NVL: variants seen among roughly 807,000 people sequenced by gnomAD.
NVL encodes the protein nuclear VCP like, also known as nuclear valosin-containing protein-like.
NVL carries 84 observed loss-of-function variants against 110.2 expected under a neutral mutation model. That is an observed-to-expected ratio of 0.76 (90% CI 0.64 to 0.91). The LOEUF (loss-of-function observed/expected upper bound fraction) is 0.91, where lower values mean the gene tolerates loss of function less well. Ranked by LOEUF, NVL falls within the 40% of genes least tolerant of loss-of-function variation. The pLI, the probability that NVL is intolerant of heterozygous loss-of-function variation, is 0.00. For synonymous variants in NVL, 354 were observed against 361.1 expected, an observed-to-expected ratio of 0.98 and a Z score of 0.22; for missense variants, 882 against 1,035.9, an observed-to-expected ratio of 0.85 and a Z score of 2.04.
intron 20 of NVL, among the ~76,000 whole-genome samples, chr1:224,235,979 T>C (rs903762911): frequency 4.6e-5 from 7 of 151,194 alleles, no homozygotes; most frequent in African/African-American, 1.7e-4. Context: ...GGAGGGGGCA[T>C]TGTCTCTGTT....
In NVL at chr1:224,317,720, C is replaced by G. The variant is rs755334742; in HGVS notation, c.258G>C (p.Arg86Ser). 1.2e-6 allele frequency: 2 copies of G among 1,606,610 alleles called. No homozygotes were observed. Among genetic ancestry groups the G allele is most frequent in the Non-Finnish European group, 1.7e-6 (2 of 1,173,696 alleles). Reference protein sequence around the residue: ...TELEDEHLAKRARQGEEDNEY... With the variant: ...TELEDEHLAKSARQGEEDNEY... ...CATTATCCTCTTCACCTTGTCTTGC[C>G]CTTTTTGCCAAATGTTCATCTTCTA... Residue 86 changes from arginine (R) to serine (S), a missense_variant, in exon 4 of 23, where the codon AGG becomes AGC. Physicochemically the swap from Arg to Ser is moderately radical, Grantham distance 110. Coordinates refer to ENST00000281701, the MANE Select transcript of NVL (RefSeq NM_002533.4).
At chr1:224,281,599 CCTTTTTGTGGTCTTAATTCTGTGT>C (rs1248147894) in intron 15 of NVL, among the ~76,000 whole-genome samples, 1 of 151,292 alleles carries the variant, frequency 6.6e-6, no homozygotes, top group African/African-American at 2.4e-5. Context: ...TGCGCCTAGC[CCTTTTTGTGGTCTTAATTCTGTGT>C]CTCCCTTTCT....
At chr1:224,263,558 A>G (rs1664187838) in intron 18 of NVL, among the ~76,000 whole-genome samples, 1 of 152,214 alleles carries the variant, frequency 6.6e-6, no homozygotes. Flanking sequence ...CAGTATAGGT[A>G]AAACAATCTA....
intron 19 of NVL, among the ~76,000 whole-genome samples, chr1:224,248,680 T>G (rs1662131108): frequency 6.6e-6 from 1 of 152,224 alleles, no homozygotes; most frequent in African/African-American, 2.4e-5. Context: ...AGAGAAAATT[T>G]GAAAGTGGCT....
chr1:224,259,152 A>C (rs1424484718), intron 18 of NVL, among the ~76,000 whole-genome samples: 1 of 151,768 alleles, frequency 6.6e-6, no homozygotes, highest in Non-Finnish European at 1.5e-5. Flanking sequence ...GTAGTGGCAC[A>C]ATCTCGGCTC....
chr1:224,285,378 T>C (rs2102613561), intron 15 of NVL, among the ~76,000 whole-genome samples: 1 of 152,272 alleles, frequency 6.6e-6, no homozygotes, highest in South Asian at 2.1e-4. Context: ...GAAGTTGCAG[T>C]GAGCCAAGAT....
intron 1 of NVL, 91 bp from the exon 2 acceptor site, chr1:224,326,555 C>CCTG: frequency 1.3e-6 from 1 of 761,354 alleles, no homozygotes; most frequent in South Asian, 1.8e-5. Flanking sequence ...ACACATTATA[C>CCTG]TTTAAGATAA....
Position 224,300,555 on chromosome 1 carries a change from G to T in NVL, c.1062+7C>A. The T allele has an allele frequency of 1.2e-6, 2 of 1,607,924 alleles. No homozygotes were observed. Among genetic ancestry groups the T allele is most frequent in the South Asian group, 2.2e-5 (2 of 90,688 alleles). The stretch of plus-strand genomic sequence containing the variant: ...GACCACCTGGCATTAGTCATTAACT[G>T]ACTCACCACAGCTTGCTCAAATAGT... On this transcript the variant is annotated splice_region_variant and intron_variant, in intron 10 of 22. Transcript: ENST00000281701.
At chr1:224,231,719 C>A (rs1484698380) in intron 21 of NVL, among the ~76,000 whole-genome samples, 3 of 152,054 alleles carry the variant, frequency 2.0e-5, no homozygotes, top group Non-Finnish European at 4.4e-5. Flanking sequence ...TAATATATCT[C>A]AGCACTGGTT....
At chr1:224,319,747 T>C (rs1327703651) in intron 2 of NVL, among the ~76,000 whole-genome samples, 1 of 152,146 alleles carries the variant, frequency 6.6e-6, no homozygotes, top group African/African-American at 2.4e-5. Flanking sequence ...TAGGTGAAAG[T>C]TTGATGAGTA....
At chr1:224,259,811 T>C (rs569063663) in intron 18 of NVL, among the ~76,000 whole-genome samples, 9 of 151,004 alleles carry the variant, frequency 6.0e-5, no homozygotes, top group Non-Finnish European at 1.0e-4. Flanking sequence ...TGTGCCACCA[T>C]ACCCAGCTAA....
Position 224,288,002 on chromosome 1 carries a change from G to A in NVL, c.1576-9C>T, listed in dbSNP as rs765283843. ...AGCCTTTGTAATTCATCCTTGAAGGGAACAATAGAGGGGAAAAAAATAAAG... is the reference window on the plus strand; with the variant it reads ...AGCCTTTGTAATTCATCCTTGAAGGAAACAATAGAGGGGAAAAAAATAAAG... On this transcript the variant is annotated splice_polypyrimidine_tract_variant and intron_variant, in intron 13 of 22. Coordinates refer to ENST00000281701, the MANE Select transcript of NVL (RefSeq NM_002533.4). The A allele has an allele frequency of 3.1e-6, 5 of 1,600,804 alleles. No homozygotes were observed. The Admixed American group carries it at 6.7e-5, about 21-fold the overall frequency.
chr1:224,252,450 C>T (rs1662609459), intron 18 of NVL, among the ~76,000 whole-genome samples: 1 of 152,114 alleles, frequency 6.6e-6, no homozygotes, highest in African/African-American at 2.4e-5. Context: ...CAGACACAGG[C>T]TATAATTAAT....
chr1:224,308,149 T>C lies in NVL; in HGVS notation c.457A>G (p.Ile153Val), dbSNP rs745472011. 9 of 1,614,122 alleles carry C rather than the reference T, an allele frequency of 5.6e-6. No individual in the cohort carries two copies. The highest frequency in any genetic ancestry group is 4.4e-5 in the South Asian group (4 of 91,070). The change falls in exon 6 of 23, where the codon ATA becomes GTA. Residue 153 changes from isoleucine to valine, a missense_variant. Ile to Val is a conservative substitution (Grantham distance 29). Coordinates refer to ENST00000281701, the MANE Select transcript of NVL (RefSeq NM_002533.4). ...QRETTSSTPR[I>V]SSKTGSIPLK... ...GGAATGGAGCCTGTTTTGGAACTTA[T>C]CCGTGGTGTTGAAGAGGTGGTTTCT...
At chr1:224,322,691 T>A (rs567656328) in intron 2 of NVL, among the ~76,000 whole-genome samples, 2 of 152,180 alleles carry the variant, frequency 1.3e-5, no homozygotes, top group South Asian at 4.1e-4. Context: ...TGGTGGCTCA[T>A]GCCTATAATC....
intron 15 of NVL, among the ~76,000 whole-genome samples, chr1:224,284,627 G>T (rs1026239809): frequency 6.6e-6 from 1 of 152,032 alleles, no homozygotes; most frequent in Non-Finnish European, 1.5e-5. Flanking sequence ...TGATCCACCC[G>T]CCTCGGCCTC....
rs1667187510 is a variant in NVL, at chr1:224,289,630, G to C, written c.1429C>G (p.Leu477Val). 1 of 1,614,242 alleles carries C rather than the reference G, an allele frequency of 6.2e-7. No individual in the cohort carries two copies. Among genetic ancestry groups the C allele is most frequent in the Non-Finnish European group, 8.5e-7 (1 of 1,180,058 alleles). The change falls in exon 13 of 23, where the codon CTG (leucine) becomes GTG (valine). Residue 477 changes from leucine (L) to valine (V), a missense_variant. Physicochemically the swap from Leu to Val is conservative, Grantham distance 32. Coordinates refer to ENST00000281701, the MANE Select transcript of NVL (RefSeq NM_002533.4). ...PGFVGADLMALCREAAMCAVN... is the reference protein window; with the variant it reads ...PGFVGADLMAVCREAAMCAVN... ...GCACACATTGCTGCCTCTCGGCACA[G>C]TGCCATGAGATCAGCACCAACAAAG...
At chr1:224,242,928 G>A (rs1661374100) in intron 19 of NVL, among the ~76,000 whole-genome samples, 1 of 149,588 alleles carries the variant, frequency 6.7e-6, no homozygotes, top group Non-Finnish European at 1.5e-5. Flanking sequence ...GGGTTCAAGC[G>A]ATTCTCCTGC....
At chr1:224,312,918 G>A in intron 4 of NVL, 2 of 141,386 alleles carry the variant, frequency 1.4e-5, no homozygotes. Flanking sequence ...TTATATGAAT[G>A]CAATGAAATG....
Sources: gnomAD v4.1 joint callset for allele counts (sites outside exome capture counted in the v4.1 genomes callset) on GRCh38, gnomAD v4.1.1 for gene constraint, MANE v1.5 for transcripts, NCBI Gene and HGNC (gene_info 2026-07-23, HGNC 2026-07-21) for gene names.